Variants in RPS14 observed in about 807,000 individuals in gnomAD.
The protein encoded by RPS14 is ribosomal protein S14, also known as small ribosomal subunit protein uS11.
In RPS14, 1 loss-of-function variant was observed where a neutral mutation model predicts 15.4. That is an observed-to-expected ratio of 0.07 (90% confidence interval 0.02 to 0.31). The LOEUF is 0.31. Ranked by LOEUF, RPS14 falls within the 10% of genes least tolerant of loss-of-function variation. The pLI is 1.00. For missense variants in RPS14, 69 were observed against 205.5 expected (o/e 0.34, Z 4.06); for synonymous variants, 68 against 74.4 (o/e 0.91, Z 0.44).
At chr5:150,445,839 C>G (rs1771078219) in intron 3 of RPS14, among the ~76,000 whole-genome samples, 154 bp from the exon 4 acceptor site, 1 of 152,238 alleles carries the variant, frequency 6.6e-6, no homozygotes, top group Non-Finnish European at 1.5e-5. Flanking sequence ...CCCATAATCT[C>G]AGCACCTTGG....
At chr5:150,445,524 C>A (rs1771066679) in intron 4 of RPS14, 85 bp downstream of exon 4, 1 of 1,305,982 alleles carries the variant, frequency 7.7e-7, no homozygotes, top group Non-Finnish European at 1.1e-6. Context: ...AGACCAGCCG[C>A]TGCACATCCA....
chr5:150,445,545 C>A, intron 4 of RPS14, 64 bp downstream of exon 4: 2 of 1,471,470 alleles, frequency 1.4e-6, no homozygotes, highest in Non-Finnish European at 1.9e-6. Context: ...CTGGGCACAG[C>A]ACGTGCTTTT....
chr5:150,447,748 A>T lies in RPS14; in HGVS notation c.-2-13T>A. The T allele has an allele frequency of 6.2e-7, 1 of 1,611,108 alleles. No individual in the cohort carries two copies. Among genetic ancestry groups the T allele is most frequent in the Non-Finnish European group, 8.5e-7 (1 of 1,177,642 alleles). On this transcript the variant is annotated splice_polypyrimidine_tract_variant and intron_variant, in intron 1 of 4. Transcript: ENST00000407193. Reference sequence around the variant, plus strand: ...CGAGGTGCCATTTCTGAGTGGAAGGAAAAGAAACTCAAGGTTAACAGACAA... The same window carrying T: ...CGAGGTGCCATTTCTGAGTGGAAGGTAAAGAAACTCAAGGTTAACAGACAA...
At chr5:150,444,485 G>A (rs935719186) in intron 4 of RPS14, 132 bp from the exon 5 acceptor site, 4 of 734,840 alleles carry the variant, frequency 5.4e-6, no homozygotes, top group African/African-American at 5.2e-5. Context: ...GTACCTAACA[G>A]ATGGATGTGA....
At position 150,444,267 on chromosome 5, in the gene RPS14, A is replaced by C; in HGVS notation, c.*19T>G. On this transcript the variant is annotated 3_prime_UTR_variant, in exon 5 of 5. Coordinates refer to ENST00000407193, the MANE Select transcript of RPS14 (RefSeq NM_005617.4). ...CATGAAGGCAATTTATTAACAGAAAATATTTTGAGGAATCTTGTTCACAGA... is the reference window on the plus strand; with the variant it reads ...CATGAAGGCAATTTATTAACAGAAACTATTTTGAGGAATCTTGTTCACAGA... 1 of 1,602,790 alleles carries C rather than the reference A, an allele frequency of 6.2e-7. No homozygotes were observed. The highest frequency in any genetic ancestry group is 8.5e-7 in the Non-Finnish European group (1 of 1,173,352).
chr5:150,445,062 A>C (rs1384979770), intron 4 of RPS14, among the ~76,000 whole-genome samples: 2 of 152,326 alleles, frequency 1.3e-5, no homozygotes, highest in South Asian at 2.1e-4. Context: ...CACAGTAGGA[A>C]CTTTGGCCTG....
Position 150,446,639 on chromosome 5 carries a change from G to C in RPS14, c.311+163C>G, listed in dbSNP as rs758206597. 1.2e-4 allele frequency among the ~76,000 whole-genome samples: 18 copies of C among 152,150 alleles called. No homozygotes were observed. The highest frequency in any genetic ancestry group is 3.1e-4 in the African/African-American group (13 of 41,432). On this transcript the variant is annotated intron_variant, in intron 3 of 4. Transcript: ENST00000407193. This position sits in a 1 kb window ranked among gnomAD's most constrained non-coding sequence, Gnocchi z 4.2. The stretch of plus-strand genomic sequence containing the variant: ...TAGTATACAGTGGGTGCTCAACACT[G>C]AGCTGCTGGGGGGTGTACACAGGAG...
rs774509352 is a variant in RPS14 at position 150,446,837 on chromosome 5, G to A, written c.276C>T (p.Ala92=). 1.9e-6 allele frequency: 3 copies of A among 1,614,108 alleles called. No individual in the cohort carries two copies. Among genetic ancestry groups the A allele is most frequent in the Non-Finnish European group, 2.5e-6 (3 of 1,180,014 alleles). Residue 92 remains alanine, a synonymous_variant, in exon 3 of 5, where the codon GCC becomes GCT. Coordinates refer to ENST00000407193, the MANE Select transcript of RPS14 (RefSeq NM_005617.4). The surrounding 1 kb of genome is among the most constrained non-coding windows in gnomAD (Gnocchi z 4.2). The part of the protein sequence containing the change: ...AQRCKELGIT[A]LHIKLRATGG... ...CTGTGGCCCGGAGTTTGATGTGTAG[G>A]GCGGTGATACCCAGCTCCTTGCACC...
chr5:150,448,147 C>T (rs1771161263), intron 1 of RPS14: 1 of 161,786 alleles, frequency 6.2e-6, no homozygotes, highest in Non-Finnish European at 1.4e-5. Flanking sequence ...CCTGCATGAA[C>T]TCCTCAGCTT....
rs1428904597 is a variant in RPS14 at position 150,447,448 on chromosome 5, C to T, written c.149+137G>A. ...CCTGGGAAATCACAATATTTGTGGG[C>T]TAAATGGACAAGCACATTTTCTTAC... On this transcript the variant is annotated intron_variant, in intron 2 of 4. Coordinates refer to ENST00000407193, the MANE Select transcript of RPS14 (RefSeq NM_005617.4). 8 of 863,156 alleles carry T rather than the reference C, an allele frequency of 9.3e-6. No homozygotes were observed. The South Asian group carries it at 1.2e-4, about 13-fold the overall frequency. 53.5% of individuals were successfully genotyped at this position (863,156 alleles called of 1,614,324 possible).
chr5:150,447,513 C>T (rs767683080), intron 2 of RPS14, 72 bp downstream of exon 2: 511 of 1,465,302 alleles, frequency 3.5e-4, no homozygotes, highest in Non-Finnish European at 4.3e-4. Flanking sequence ...ATCCCCTGAA[C>T]TGCTAGCCCG....
chr5:150,444,642 C>A, intron 4 of RPS14: 1 of 611,538 alleles, frequency 1.6e-6, no homozygotes. Flanking sequence ...ACCGTCTTCT[C>A]TAGAGGAAAA....
At chr5:150,445,722 G>A in intron 3 of RPS14, 37 bp from the exon 4 acceptor site, 2 of 1,529,488 alleles carry the variant, frequency 1.3e-6, no homozygotes, top group South Asian at 1.1e-5. Context: ...AGAGCCTTTG[G>A]CCAAGTCAAT....
intron 1 of RPS14, chr5:150,448,514 C>T (rs1163096771): frequency 3.3e-5 from 5 of 152,252 alleles, no homozygotes; most frequent in Non-Finnish European, 5.9e-5. Flanking sequence ...TAGGATAAGA[C>T]TGCTTCCGGC....
Position 150,447,729 on chromosome 5 carries a change from G to C in RPS14, c.5C>G (p.Ala2Gly). Residue 2 changes from alanine (A) to glycine (G), a missense_variant, in exon 2 of 5, where the codon GCA (alanine) becomes GGA (glycine). Physicochemically the swap from Ala to Gly is moderately conservative, Grantham distance 60. Transcript: ENST00000407193. MAPRKGKEKKEE... is the reference protein window; with the variant it reads MGPRKGKEKKEE... ...CTTCTTTTCCTTCCCCTTTCGAGGT[G>C]CCATTTCTGAGTGGAAGGAAAAGAA... The C allele has an allele frequency of 1.9e-6, 3 of 1,613,200 alleles. No homozygotes were observed. Among genetic ancestry groups the C allele is most frequent in the South Asian group, 2.2e-5 (2 of 91,042 alleles).
At position 150,443,135 on chromosome 5, in the gene RPS14, G is replaced by A. The variant is rs2151197336; in HGVS notation, c.*1151C>T. ...ACTTTCATGACTTTTAACAATTTAA[G>A]GAGTACTGTTATATTTTTTTTGCAA... On this transcript the variant is annotated 3_prime_UTR_variant, in exon 5 of 5. Coordinates refer to ENST00000407193, the MANE Select transcript of RPS14 (RefSeq NM_005617.4). The A allele has an allele frequency of 6.6e-6, 1 of 151,926 alleles. No homozygotes were observed. The highest frequency in any genetic ancestry group is 1.9e-4 in the East Asian group (1 of 5,188). 9.4% of individuals were successfully genotyped at this position (151,926 alleles called of 1,614,324 possible). A position where few individuals can be genotyped will look rare whatever the true frequency, so the allele number is the denominator to read the frequency against.
chr5:150,444,946 C>A (rs1771048282), intron 4 of RPS14, among the ~76,000 whole-genome samples: 1 of 152,124 alleles, frequency 6.6e-6, no homozygotes, highest in South Asian at 2.1e-4. Context: ...ACAGATCCGC[C>A]CACGAGGCGA....
chr5:150,445,323 T>C (rs1771060297), intron 4 of RPS14: 1 of 566,548 alleles, frequency 1.8e-6, no homozygotes, highest in African/African-American at 1.9e-5. Flanking sequence ...CTAATAGCAA[T>C]GACCTCAAGA....
intron 4 of RPS14, among the ~76,000 whole-genome samples, chr5:150,444,855 C>T (rs1771042811): frequency 7.2e-6 from 1 of 138,814 alleles, no homozygotes; most frequent in African/African-American, 2.6e-5. Flanking sequence ...GTGAAACTCC[C>T]CGCTACAAAA....
Sources: allele counts gnomAD v4.1 joint callset (sites outside exome capture counted in the v4.1 genomes callset), GRCh38; gene constraint gnomAD v4.1.1; non-coding constraint Gnocchi (gnomAD v3.1); transcripts MANE v1.5; gene names NCBI Gene and HGNC (gene_info 2026-07-23, HGNC 2026-07-21).